The following ITIH2 variants were observed in gnomAD, a reference collection of about 807,000 sequenced individuals.
ITIH2 encodes the protein inter-alpha-trypsin inhibitor heavy chain H2.
In ITIH2, 103 loss-of-function variants were observed where a neutral mutation model predicts 104.4. That is an observed-to-expected ratio of 0.99 (90% CI 0.84 to 1.16). The LOEUF is 1.16. Ranked by LOEUF, ITIH2 falls within the 50% of genes most tolerant of loss-of-function variation. ITIH2 has a pLI of 0.00. For synonymous variants in ITIH2, 436 were observed against 435.4 expected, an observed-to-expected ratio of 1.00 and a Z score of -0.02; for missense variants, 1,108 against 1,162.4, an observed-to-expected ratio of 0.95 and a Z score of 0.68.
rs145229576 is a variant in ITIH2, at chr10:7,709,125, C to T, written c.296C>T (p.Pro99Leu). The part of the protein sequence containing the change: ...MIQSKVVNNS[P>L]QPQNVVFDVQ... ...CAGAGCAAAGTGGTGAACAATTCCC[C>T]GCAGCCTCAGAATGTCGTGTTTGAT... Residue 99 changes from proline (P) to leucine (L), a missense_variant, in exon 4 of 21, where the codon CCG becomes CTG. Physicochemically the swap from Pro to Leu is moderately conservative, Grantham distance 98 (BLOSUM62 -3). Transcript: ENST00000358415. The T allele has an allele frequency of 3.2e-5, 51 of 1,613,912 alleles. No individual in the cohort carries two copies. Among genetic ancestry groups the T allele is most frequent in the Middle Eastern group, 1.6e-4 (1 of 6,084 alleles).
chr10:7,709,485 G>T (rs1339702332), intron 4 of ITIH2, among the ~76,000 whole-genome samples: 1 of 151,910 alleles, frequency 6.6e-6, no homozygotes, highest in Admixed American at 6.6e-5. Context: ...AATATACTGG[G>T]TTGCCCTGGC....
intron 9 of ITIH2, among the ~76,000 whole-genome samples, chr10:7,724,288 C>T (rs1222624655): frequency 6.6e-6 from 1 of 152,106 alleles, no homozygotes; most frequent in Non-Finnish European, 1.5e-5. Context: ...AAGTCCCTGT[C>T]AGCCAGGCAC....
chr10:7,741,258 A>G (rs2130964117), intron 16 of ITIH2, among the ~76,000 whole-genome samples: 1 of 146,046 alleles, frequency 6.8e-6, no homozygotes, highest in East Asian at 2.0e-4. Context: ...GGCTCACTGC[A>G]ACCTCTGCCT....
At chr10:7,708,396 G>A (rs1211699327) in intron 3 of ITIH2, among the ~76,000 whole-genome samples, 1 of 152,160 alleles carries the variant, frequency 6.6e-6, no homozygotes, top group Non-Finnish European at 1.5e-5. Flanking sequence ...CAGAGTGTTG[G>A]ACCAATACTT....
intron 4 of ITIH2, among the ~76,000 whole-genome samples, chr10:7,711,859 A>G (rs1190945444): frequency 6.6e-6 from 1 of 152,194 alleles, no homozygotes; most frequent in East Asian, 1.9e-4. Flanking sequence ...CTTGGGAAAG[A>G]CACTGCCCAT....
chr10:7,731,972 A>G lies in ITIH2; in HGVS notation c.1623A>G (p.Ile541Met), dbSNP rs780711467. 78 of 1,613,756 alleles carry G rather than the reference A, an allele frequency of 4.8e-5. 1 individual carries two copies. In the South Asian group the frequency reaches 8.1e-4, roughly 17 times the overall value. Residue 541 changes from isoleucine to methionine, a missense_variant, in exon 13 of 21, where the codon ATA (isoleucine) becomes ATG (methionine). By Grantham distance (10) the Ile-to-Met change is conservative (BLOSUM62 1). Transcript: ENST00000358415. ...TTGACCCTGCTAAATTGGATCAAAT[A>G]GAGAGCGTTATCACGGCGACTTCGG... Reference protein sequence around the residue: ...GKFDPAKLDQIESVITATSAN... With the variant: ...GKFDPAKLDQMESVITATSAN...
At chr10:7,705,245 C>T in intron 2 of ITIH2, 63 bp downstream of exon 2, 1 of 1,189,190 alleles carries the variant, frequency 8.4e-7, no homozygotes, top group Non-Finnish European at 1.2e-6. Flanking sequence ...CAGAAGAAGA[C>T]AAGTGTTAAG....
chr10:7,713,660 G>T (rs4747574), intron 5 of ITIH2, among the ~76,000 whole-genome samples: 71,004 of 152,042 alleles, frequency 0.47, 19,205 homozygotes, highest in Non-Finnish European at 0.61. Context: ...TTGCCTTAAT[G>T]ATTTATTCTG....
intron 16 of ITIH2, among the ~76,000 whole-genome samples, chr10:7,739,461 G>A (rs79680857): frequency 0.045 from 6,894 of 152,236 alleles, 230 homozygotes; most frequent in Non-Finnish European, 0.059. Flanking sequence ...AGAATTGTGC[G>A]GCTTTCTTGA....
chr10:7,746,693 GATC>G lies in ITIH2; in HGVS notation c.2687_2689del (p.Ile896del). The G allele has an allele frequency of 6.2e-7, 1 of 1,610,328 alleles. No homozygotes were observed. Among genetic ancestry groups the G allele is most frequent in the Admixed American group, 1.7e-5 (1 of 59,982 alleles). On this transcript the variant is annotated inframe_deletion, in exon 20 of 21. Coordinates refer to ENST00000358415, the MANE Select transcript of ITIH2 (RefSeq NM_002216.3). ...GCATGGAAGTGAAGGGGCAGAAGCT[GATC>G]ATCACCAGGTAGGCCTCGGGCGTAA...
intron 14 of ITIH2, 106 bp downstream of exon 14, chr10:7,732,583 A>C: frequency 8.5e-7 from 1 of 1,183,154 alleles, no homozygotes. Context: ...GAAAGACAGC[A>C]CATTAGCACA....
At position 7,703,395 on chromosome 10, in the gene ITIH2, A is replaced by C. The variant is rs201922110; in HGVS notation, c.-40A>C. 1.4e-6 allele frequency: 2 copies of C among 1,397,550 alleles called. No homozygotes were observed. Among genetic ancestry groups the C allele is most frequent in the African/African-American group, 1.4e-5 (1 of 70,638 alleles). The allele number at this position is 1,397,550 out of a possible 1,614,324, so 86.6% of individuals were successfully genotyped here. On this transcript the variant is annotated 5_prime_UTR_variant, in exon 1 of 21. Coordinates refer to ENST00000358415, the MANE Select transcript of ITIH2 (RefSeq NM_002216.3). ...TAGGAAGAAGTGATATCCTCCCCAGACCATCTGCTTTGGGGAGCTTGGCAA... is the reference window on the plus strand; with the variant it reads ...TAGGAAGAAGTGATATCCTCCCCAGCCCATCTGCTTTGGGGAGCTTGGCAA...
At chr10:7,728,567 T>C (rs1254135176) in intron 11 of ITIH2, among the ~76,000 whole-genome samples, 1 of 149,014 alleles carries the variant, frequency 6.7e-6, no homozygotes, top group Non-Finnish European at 1.5e-5. Context: ...TTTTCTTTCT[T>C]TTTTTTTTTG....
At chr10:7,743,633 T>C (rs1835147629) in intron 17 of ITIH2, among the ~76,000 whole-genome samples, 1 of 151,750 alleles carries the variant, frequency 6.6e-6, no homozygotes, top group South Asian at 2.1e-4. Context: ...CAAAAACAAT[T>C]ACCCAGGCGT....
intron 11 of ITIH2, among the ~76,000 whole-genome samples, chr10:7,728,406 G>C (rs1368600323): frequency 6.6e-6 from 1 of 152,066 alleles, no homozygotes; most frequent in Non-Finnish European, 1.5e-5. Context: ...TTTGAAGACA[G>C]GGTCTTGCTC....
intron 14 of ITIH2, among the ~76,000 whole-genome samples, chr10:7,734,030 A>C (rs1330104219): frequency 6.6e-6 from 1 of 152,088 alleles, no homozygotes; most frequent in Non-Finnish European, 1.5e-5. Context: ...TCCTATAAAA[A>C]GATCAGCAGT....
intron 12 of ITIH2, 117 bp from the exon 13 acceptor site, chr10:7,731,694 C>A: frequency 1.4e-6 from 1 of 728,632 alleles, no homozygotes; most frequent in Non-Finnish European, 2.1e-6. Flanking sequence ...CACTGCACTC[C>A]AGCCTGGGCA....
chr10:7,727,304 C>T (rs1229813637), intron 10 of ITIH2, among the ~76,000 whole-genome samples, 186 bp downstream of exon 10: 3 of 152,112 alleles, frequency 2.0e-5, no homozygotes, highest in African/African-American at 7.2e-5. Flanking sequence ...TAATACAGCC[C>T]ACATAAGCTT....
intron 2 of ITIH2, among the ~76,000 whole-genome samples, chr10:7,706,873 A>G (rs1834752070): frequency 6.6e-6 from 1 of 152,126 alleles, no homozygotes; most frequent in Non-Finnish European, 1.5e-5. Context: ...TCAACTGAGT[A>G]AAAAATAGAG....
Sources: allele counts gnomAD v4.1 joint callset (sites outside exome capture counted in the v4.1 genomes callset), GRCh38; gene constraint gnomAD v4.1.1; transcripts MANE v1.5; gene names NCBI Gene and HGNC (gene_info 2026-07-23, HGNC 2026-07-21).